The following PCDH15 variants were observed in gnomAD, a reference collection of about 807,000 sequenced individuals.
PCDH15 encodes the protein protocadherin-15.
In PCDH15, 129 loss-of-function variants were observed where a neutral mutation model predicts 178.5. The observed-to-expected ratio is 0.72, with a 90% CI of 0.63 to 0.84. The LOEUF (loss-of-function observed/expected upper bound fraction) is 0.84. PCDH15 is among the 40% of genes least tolerant of loss of function. The pLI is 0.00. For missense variants in PCDH15, 2,230 were observed against 2,099.9 expected, an observed-to-expected ratio of 1.06 and a Z score of -1.21; for synonymous variants, 800 against 732.0, an observed-to-expected ratio of 1.09 and a Z score of -1.50.
intron 17 of PCDH15, among the ~76,000 whole-genome samples, chr10:54,069,991 C>T (rs776553569): frequency 5.9e-5 from 9 of 152,140 alleles, no homozygotes; most frequent in Non-Finnish European, 2.9e-5. Flanking sequence ...TTTCCATCAA[C>T]GGAGTTTGCT....
intron 2 of PCDH15, among the ~76,000 whole-genome samples, chr10:55,622,838 G>A (rs528832657): frequency 6.6e-6 from 1 of 152,096 alleles, no homozygotes; most frequent in African/African-American, 2.4e-5. Context: ...AATAAAATAC[G>A]GGCTGGACCG....
At chr10:54,200,898 A>C (rs769478586) in intron 10 of PCDH15, among the ~76,000 whole-genome samples, 1 of 151,646 alleles carries the variant, frequency 6.6e-6, no homozygotes, top group Non-Finnish European at 1.5e-5. Context: ...TACTATTATG[A>C]CTCCTAATTT....
At chr10:54,866,631 T>C (rs1182868193) in intron 3 of PCDH15, among the ~76,000 whole-genome samples, 1 of 152,186 alleles carries the variant, frequency 6.6e-6, no homozygotes, top group African/African-American at 2.4e-5. Context: ...TATTTAATAG[T>C]TATTAATTTC....
chr10:54,475,052 A>C (rs2078184721), intron 3 of PCDH15, among the ~76,000 whole-genome samples: 1 of 151,862 alleles, frequency 6.6e-6, no homozygotes, highest in Non-Finnish European at 1.5e-5. Context: ...ACTTTTTTTT[A>C]ATGTTAGACT....
intron 1 of PCDH15, among the ~76,000 whole-genome samples, chr10:55,261,668 T>G (rs780864023): frequency 3.9e-5 from 6 of 152,100 alleles, no homozygotes; most frequent in Non-Finnish European, 7.4e-5. Flanking sequence ...TCTTGGAAGG[T>G]TCCTTAGATG....
intron 3 of PCDH15, among the ~76,000 whole-genome samples, chr10:54,490,353 G>A (rs1050726600): frequency 6.6e-6 from 1 of 152,050 alleles, no homozygotes; most frequent in Admixed American, 6.6e-5. Context: ...GGGAGGCTGA[G>A]GCAGGAGAAT....
chr10:54,750,221 G>A (rs1157146061), intron 1 of PCDH15, among the ~76,000 whole-genome samples: 1 of 151,932 alleles, frequency 6.6e-6, no homozygotes, highest in Non-Finnish European at 1.5e-5. Context: ...TAAAACCGTA[G>A]AGATGGCTTA....
chr10:54,207,785 C>T (rs1035591141), intron 10 of PCDH15, among the ~76,000 whole-genome samples: 5 of 152,012 alleles, frequency 3.3e-5, no homozygotes, highest in African/African-American at 1.2e-4. Context: ...TCATATTATA[C>T]CTCTGAGCTC....
At chr10:53,904,555 T>C (rs945359439) in intron 25 of PCDH15, among the ~76,000 whole-genome samples, 2 of 151,902 alleles carry the variant, frequency 1.3e-5, no homozygotes, top group South Asian at 4.2e-4. Flanking sequence ...CTGCTACTCA[T>C]TCAGCTTTTC....
chr10:54,941,114 T>G (rs2131863621), intron 2 of PCDH15, among the ~76,000 whole-genome samples: 1 of 152,212 alleles, frequency 6.6e-6, no homozygotes, highest in African/African-American at 2.4e-5. Flanking sequence ...TAATTTTCAT[T>G]AAGTAAATAC....
At chr10:55,463,899 GAGAAAGAAAGAA>G (rs71014491) in intron 2 of PCDH15, among the ~76,000 whole-genome samples, 1,278 of 47,264 alleles carry the variant, frequency 0.027, 124 homozygotes, top group Non-Finnish European at 0.039. Context: ...GGGAGAGAGA[GAGAAAGAAAGAA>G]AGAAAGAAAG....
At chr10:54,925,164 C>T (rs1057375965) in intron 2 of PCDH15, among the ~76,000 whole-genome samples, 1 of 152,130 alleles carries the variant, frequency 6.6e-6, no homozygotes, top group Non-Finnish European at 1.5e-5. Context: ...CTGCATATGG[C>T]TAGCCATTTA....
chr10:53,865,692 G>T (rs1329423897), intron 27 of PCDH15, among the ~76,000 whole-genome samples: 1 of 151,696 alleles, frequency 6.6e-6, no homozygotes, highest in Non-Finnish European at 1.5e-5. Flanking sequence ...GCTCCTGGAG[G>T]ACTGTTTTGG....
At chr10:54,316,162 T>A (rs976333357) in intron 8 of PCDH15, among the ~76,000 whole-genome samples, 22 of 152,258 alleles carry the variant, frequency 1.4e-4, no homozygotes, top group African/African-American at 4.3e-4. Context: ...CTGTTTTTTT[T>A]ATTCATGCAA....
rs185386579 is a variant in PCDH15, at chr10:55,556,766, G to A, written c.-156+70859C>T. Among the ~76,000 whole-genome samples the A allele has an allele frequency of 2.9e-3, 437 of 152,200 alleles. 2 individuals carry two copies. The highest frequency in any genetic ancestry group is 4.8e-3 in the Non-Finnish European group (329 of 67,998). On this transcript the variant is annotated intron_variant, in intron 2 of 5. Transcript: ENST00000613346. Reference sequence around the variant, plus strand: ...TGAGGCAGGAGAATCGCTTGGACCCGGGAGGCAAATTATGAAGTGAGCCTA... The same window carrying A: ...TGAGGCAGGAGAATCGCTTGGACCCAGGAGGCAAATTATGAAGTGAGCCTA...
At chr10:55,102,342 C>G (rs1842594124) in intron 2 of PCDH15, among the ~76,000 whole-genome samples, 1 of 152,034 alleles carries the variant, frequency 6.6e-6, no homozygotes, top group Non-Finnish European at 1.5e-5. Context: ...TTAGAGAGGT[C>G]TCCTGTTATC....
intron 1 of PCDH15, among the ~76,000 whole-genome samples, chr10:55,253,239 T>TGTGTGTGTGC (rs1841891339): frequency 8.7e-6 from 1 of 114,808 alleles, no homozygotes. Flanking sequence ...CGTGTGTGTG[T>TGTGTGTGTGC]GTGTGTGTGC....
intron 26 of PCDH15, among the ~76,000 whole-genome samples, chr10:53,902,750 C>T (rs946741881): frequency 3.3e-5 from 5 of 152,046 alleles, no homozygotes; most frequent in Non-Finnish European, 7.4e-5. Context: ...CCAACATTCT[C>T]TGAGACATCA....
intron 1 of PCDH15, among the ~76,000 whole-genome samples, chr10:55,230,170 A>T (rs542614284): frequency 6.6e-6 from 1 of 152,160 alleles, no homozygotes; most frequent in African/African-American, 2.4e-5. Context: ...TCCTAAGCTC[A>T]TTCTCCTTCA....
Sources: allele counts gnomAD v4.1 joint callset (sites outside exome capture counted in the v4.1 genomes callset), GRCh38; gene constraint gnomAD v4.1.1; transcripts MANE v1.5; gene names NCBI Gene and HGNC (gene_info 2026-07-23, HGNC 2026-07-21).